The following DGKI variants were observed in gnomAD, a reference collection of about 807,000 sequenced individuals.
DGKI encodes the protein diacylglycerol kinase iota, also known as DAG kinase iota.
Under a neutral mutation model 147.5 loss-of-function variants are expected in DGKI, and 55 were observed. The ratio of observed to expected loss-of-function variants is 0.37; its 90% CI spans 0.30 to 0.47. The LOEUF (loss-of-function observed/expected upper bound fraction) is 0.47, where lower values mean the gene tolerates loss of function less well. Ranked by LOEUF, DGKI falls within the 20% of genes least tolerant of loss-of-function variation. DGKI has a pLI of 1.00. For synonymous variants in DGKI, 469 were observed against 477.1 expected, an observed-to-expected ratio of 0.98 and a Z score of 0.22; for missense variants, 1,007 against 1,323.8, an observed-to-expected ratio of 0.76 and a Z score of 3.71.
At chr7:137,844,700 T>C (rs569754983) in intron 1 of DGKI, among the ~76,000 whole-genome samples, 1 of 152,360 alleles carries the variant, frequency 6.6e-6, no homozygotes, top group South Asian at 2.1e-4. Flanking sequence ...CGTGCATGTG[T>C]GAGCATGCAA....
intron 20 of DGKI, among the ~76,000 whole-genome samples, chr7:137,548,050 G>C (rs1177158371): frequency 1.3e-5 from 2 of 152,202 alleles, no homozygotes; most frequent in African/African-American, 4.8e-5. Flanking sequence ...GGTCTGCAAA[G>C]CTAAGGAACA....
At chr7:137,562,125 G>A (rs1632142) in intron 19 of DGKI, among the ~76,000 whole-genome samples, 35,275 of 152,166 alleles carry the variant, frequency 0.23, 7,355 homozygotes, top group African/African-American at 0.55. Context: ...GGTAACAAAG[G>A]ACTTTCTATT....
chr7:137,800,121 T>TC (rs1483736874), intron 1 of DGKI, among the ~76,000 whole-genome samples: 1 of 151,984 alleles, frequency 6.6e-6, no homozygotes, highest in Admixed American at 6.6e-5. Context: ...GATTCCAATT[T>TC]CCCCCCTATA....
chr7:137,628,481 AG>A (rs1337173786), intron 6 of DGKI, among the ~76,000 whole-genome samples: 3 of 152,220 alleles, frequency 2.0e-5, no homozygotes, highest in Admixed American at 6.5e-5. Flanking sequence ...CACCTGCTAT[AG>A]GAAGACTCTG....
intron 6 of DGKI, among the ~76,000 whole-genome samples, chr7:137,630,501 T>A (rs1273973214): frequency 1.3e-5 from 2 of 152,152 alleles, no homozygotes; most frequent in Non-Finnish European, 1.5e-5. Context: ...ACTTAACAAC[T>A]CTTACCACAA....
At position 137,585,212 on chromosome 7, in the gene DGKI, A is replaced by G; in HGVS notation, c.1560T>C (p.Cys520=). ...LPPEELEDGV[C]KLPLNVFNNY... is the part of the protein sequence containing the mutation. ...GCAGAACAAAAAACTCTCTAACCTTACATACGCCATCTTCAAGTTCTTCTG... is the reference window on the plus strand; with the variant it reads ...GCAGAACAAAAAACTCTCTAACCTTGCATACGCCATCTTCAAGTTCTTCTG... Residue 520 remains cysteine, a synonymous_variant, in exon 14 of 33, where the codon TGT becomes TGC. Coordinates refer to ENST00000614521, the MANE Select transcript of DGKI (RefSeq NM_001321708.2). The G allele has an allele frequency of 6.2e-7, 1 of 1,614,132 alleles. No individual in the cohort carries two copies. The highest frequency in any genetic ancestry group is 1.1e-5 in the South Asian group (1 of 91,070).
intron 27 of DGKI, among the ~76,000 whole-genome samples, chr7:137,452,532 T>C (rs1814011598): frequency 6.6e-6 from 1 of 152,212 alleles, no homozygotes; most frequent in Non-Finnish European, 1.5e-5. Context: ...GCAGCACACG[T>C]ATGTCCACAC....
chr7:137,715,606 G>A (rs540064565), intron 1 of DGKI, among the ~76,000 whole-genome samples: 140 of 152,198 alleles, frequency 9.2e-4, no homozygotes, highest in Middle Eastern at 3.4e-3. Context: ...CTTCACTTAG[G>A]GCAATACTAT....
At chr7:137,585,154 G>A in intron 14 of DGKI, 55 bp downstream of exon 14, 1 of 1,594,082 alleles carries the variant, frequency 6.3e-7, no homozygotes, top group Non-Finnish European at 8.5e-7. Context: ...TTTTTTTCCT[G>A]TAGCTCAGGC....
intron 5 of DGKI, among the ~76,000 whole-genome samples, chr7:137,651,617 C>T (rs1039854875): frequency 6.6e-6 from 1 of 152,156 alleles, no homozygotes. Flanking sequence ...GAGTTGTCAG[C>T]CCACATGGTA....
At chr7:137,717,370 C>G (rs1440775900) in intron 1 of DGKI, among the ~76,000 whole-genome samples, 1 of 151,948 alleles carries the variant, frequency 6.6e-6, no homozygotes, top group Non-Finnish European at 1.5e-5. Context: ...AATTAGAACT[C>G]TATTTAAAGT....
chr7:137,385,220 T>A lies in DGKI; in HGVS notation c.*6000A>T, dbSNP rs947968306. ...ATTACACCTTTTAGTATGTTTTCTT[T>A]TGACTAGCTCTTAAATTCATGCTTA... On this transcript the variant is annotated 3_prime_UTR_variant, in exon 33 of 33. Transcript: ENST00000614521. The A allele has an allele frequency of 6.6e-6, 1 of 152,094 alleles. No homozygotes were observed. The highest frequency in any genetic ancestry group is 6.6e-5 in the Admixed American group (1 of 15,248). The allele number at this position is 152,094 out of a possible 1,614,324, so 9.4% of individuals were successfully genotyped here. A position where few individuals can be genotyped will look rare whatever the true frequency, so the allele number is the denominator to read the frequency against.
At chr7:137,397,552 A>G in intron 30 of DGKI, 139 bp from the exon 31 acceptor site, 1 of 735,104 alleles carries the variant, frequency 1.4e-6, no homozygotes, top group Non-Finnish European at 2.2e-6. Flanking sequence ...AAGAAAAATA[A>G]AAGGATTCCT....
intron 21 of DGKI, among the ~76,000 whole-genome samples, chr7:137,518,888 CTGTTTA>C (rs1359613979): frequency 6.6e-6 from 1 of 152,126 alleles, no homozygotes; most frequent in South Asian, 2.1e-4. Flanking sequence ...TTGTATACTT[CTGTTTA>C]TGAGAGTGAT....
intron 19 of DGKI, among the ~76,000 whole-genome samples, chr7:137,564,646 T>C (rs548456263): frequency 1.3e-5 from 2 of 152,350 alleles, no homozygotes; most frequent in South Asian, 4.1e-4. Context: ...AAGGACATAA[T>C]TGTCTGTTCC....
chr7:137,802,505 T>C (rs560209991), intron 1 of DGKI, among the ~76,000 whole-genome samples: 1 of 152,358 alleles, frequency 6.6e-6, no homozygotes, highest in African/African-American at 2.4e-5. Context: ...ATAATAATCC[T>C]CTATTTGTGA....
intron 1 of DGKI, among the ~76,000 whole-genome samples, chr7:137,841,882 C>G (rs973828585): frequency 6.6e-6 from 1 of 152,202 alleles, no homozygotes; most frequent in Non-Finnish European, 1.5e-5. Context: ...CCAGCAAAGA[C>G]CTCTCTTCAA....
At chr7:137,502,525 G>C (rs1393994883) in intron 21 of DGKI, among the ~76,000 whole-genome samples, 1 of 151,944 alleles carries the variant, frequency 6.6e-6, no homozygotes, top group Non-Finnish European at 1.5e-5. Flanking sequence ...GATGGAGGAG[G>C]AGGAAGAACA....
rs565695112 is a variant in DGKI at position 137,623,719 on chromosome 7, C to T, written c.805-165G>A. Among the ~76,000 whole-genome samples the T allele has an allele frequency of 3.9e-5, 6 of 152,304 alleles. No homozygotes were observed. In the East Asian group the frequency reaches 1.2e-3, roughly 29 times the overall value. On this transcript the variant is annotated intron_variant, in intron 6 of 32. Transcript: ENST00000614521. ...AGGCCACATTGAGCACCACACTCTC[C>T]ACTTTCTGCCTGCAATGATTTTCTA...
Sources: gnomAD v4.1 joint callset for allele counts (sites outside exome capture counted in the v4.1 genomes callset) on GRCh38, gnomAD v4.1.1 for gene constraint, MANE v1.5 for transcripts, NCBI Gene and HGNC (gene_info 2026-07-23, HGNC 2026-07-21) for gene names.